The following CEBPZOS variants were observed in gnomAD, a reference collection of about 807,000 sequenced individuals.
CEBPZOS encodes the protein CEBPZ opposite strand.
In CEBPZOS, 10 loss-of-function variants were observed where a neutral mutation model predicts 4.8. That is an observed-to-expected ratio of 2.07 (90% CI 1.28 to 3.52). The LOEUF is 3.52. Ranked by LOEUF, CEBPZOS falls within the 30% of genes most tolerant of loss-of-function variation. CEBPZOS has a pLI of 0.00. For missense variants in CEBPZOS, 98 were observed against 43.6 expected, an observed-to-expected ratio of 2.25 and a Z score of -3.51; for synonymous variants, 25 against 14.2, an observed-to-expected ratio of 1.77 and a Z score of -1.72.
At chr2:37,206,226 A>G (rs1315131312), downstream of CEBPZOS, among the ~76,000 whole-genome samples, 1 of 152,262 alleles carries the variant, frequency 6.6e-6, no homozygotes, top group Non-Finnish European at 1.5e-5. Flanking sequence ...AGCGTGTGGC[A>G]ACGTGTTTAG....
At chr2:37,215,893 G>C (rs1677855013), downstream of CEBPZOS, among the ~76,000 whole-genome samples, 1 of 151,100 alleles carries the variant, frequency 6.6e-6, no homozygotes, top group Non-Finnish European at 1.5e-5. Flanking sequence ...AATGGGGAGG[G>C]GGTTCATCAT....
chr2:37,197,260 C>G (rs373802530), intron 1 of CEBPZOS: 2 of 152,226 alleles, frequency 1.3e-5, no homozygotes, highest in Non-Finnish European at 2.9e-5. Flanking sequence ...ACAGGTGTAT[C>G]CCTGGTGGTC....
Position 37,199,703 on chromosome 2 carries a change from G to A in CEBPZOS, c.-1-1G>A, listed in dbSNP as rs779571173. ...TTACACATATCTGTTGTTAAATTTA[G>A]GATGGCCCGTACTTTGGAACCACTA... On this transcript the variant is annotated splice_acceptor_variant, in intron 1 of 4. Coordinates refer to ENST00000402297, the MANE Select transcript of CEBPZOS (RefSeq NM_001322374.2). LOFTEE classifies it low-confidence loss of function (5UTR_SPLICE). 8.4e-6 allele frequency: 6 copies of A among 716,304 alleles called. No homozygotes were observed. Among genetic ancestry groups the A allele is most frequent in the Non-Finnish European group, 2.6e-6 (1 of 384,642 alleles). The allele number at this position is 716,304 out of a possible 1,614,324, so 44.4% of individuals were successfully genotyped here.
chr2:37,215,114 A>G (rs1007572964), downstream of CEBPZOS, among the ~76,000 whole-genome samples: 1 of 152,170 alleles, frequency 6.6e-6, no homozygotes, highest in Non-Finnish European at 1.5e-5. Flanking sequence ...CAATCTCTGA[A>G]AAAGTCTGTG....
chr2:37,202,254 G>A lies in CEBPZOS; in HGVS notation c.*394G>A, dbSNP rs892798589. The A allele has an allele frequency of 7.5e-6, 1 of 133,978 alleles. No individual in the cohort carries two copies. 8.3% of individuals were successfully genotyped at this position (133,978 alleles called of 1,614,324 possible). A position where few individuals can be genotyped will look rare whatever the true frequency, so the allele number is the denominator to read the frequency against. ...AGTCTGCAAGGTTTTTTTTTTTTTT[G>A]CTTTAGTCTAAATACTTGTTAATCT... On this transcript the variant is annotated 3_prime_UTR_variant, in exon 5 of 5. Coordinates refer to ENST00000402297, the MANE Select transcript of CEBPZOS (RefSeq NM_001322374.2).
At chr2:37,207,665 T>G (rs1393398243), downstream of CEBPZOS, among the ~76,000 whole-genome samples, 1 of 152,128 alleles carries the variant, frequency 6.6e-6, no homozygotes, top group Non-Finnish European at 1.5e-5. Flanking sequence ...CTACATTTAG[T>G]AAGTTCACAG....
chr2:37,199,154 TTAGTA>T (rs1419749014), intron 1 of CEBPZOS, among the ~76,000 whole-genome samples: 2 of 150,820 alleles, frequency 1.3e-5, no homozygotes, highest in Non-Finnish European at 3.0e-5. Context: ...TATTAATAGT[TTAGTA>T]TATGTTGTAT....
Position 37,202,796 on chromosome 2 carries a change from T to C in CEBPZOS, c.*936T>C, listed in dbSNP as rs757074596. 6 of 1,580,558 alleles carry C rather than the reference T, an allele frequency of 3.8e-6. No individual in the cohort carries two copies. The highest frequency in any genetic ancestry group is 2.3e-5 in the East Asian group (1 of 43,604). ...TTAAGTTACTTACTTGCATTATCTTTGTTAGCCATGGCATTCATGCCAATG... is the reference window on the plus strand; with the variant it reads ...TTAAGTTACTTACTTGCATTATCTTCGTTAGCCATGGCATTCATGCCAATG... On this transcript the variant is annotated 3_prime_UTR_variant, in exon 5 of 5. Transcript: ENST00000402297.
intron 2 of CEBPZOS, among the ~76,000 whole-genome samples, chr2:37,200,481 G>A (rs1029750880): frequency 6.6e-6 from 1 of 151,970 alleles, no homozygotes; most frequent in African/African-American, 2.4e-5. Flanking sequence ...CTCTAAGGAA[G>A]GGTATTAAAA....
intron 4 of CEBPZOS, among the ~76,000 whole-genome samples, chr2:37,213,239 T>C (rs1330751315): frequency 6.6e-6 from 1 of 152,212 alleles, no homozygotes; most frequent in African/African-American, 2.4e-5. Context: ...TGATATACTA[T>C]AATAGATTAT....
At chr2:37,198,518 A>G (rs1262329950) in intron 1 of CEBPZOS, 2 of 152,192 alleles carry the variant, frequency 1.3e-5, no homozygotes, top group East Asian at 3.9e-4. Flanking sequence ...TCGGAAGTGA[A>G]TGGAGTAAAC....
chr2:37,198,216 T>A (rs1404067675), intron 1 of CEBPZOS, among the ~76,000 whole-genome samples: 2 of 152,154 alleles, frequency 1.3e-5, no homozygotes, highest in African/African-American at 4.8e-5. Flanking sequence ...TGAGCATGAC[T>A]TACTTTCTGT....
intron 1 of CEBPZOS, among the ~76,000 whole-genome samples, chr2:37,198,018 G>A (rs966274455): frequency 6.6e-6 from 1 of 151,914 alleles, no homozygotes; most frequent in Non-Finnish European, 1.5e-5. Flanking sequence ...AAATTTGCTG[G>A]GCCTGGTGGC....
At chr2:37,199,556 A>C (rs908712592) in intron 1 of CEBPZOS, 148 bp from the exon 2 acceptor site, 300 of 480,470 alleles carry the variant, frequency 6.2e-4, no homozygotes, top group Middle Eastern at 4.7e-4. Flanking sequence ...TAGGATGTCT[A>C]AACCAAAAAA....
At chr2:37,199,008 CA>C (rs914210229) in intron 1 of CEBPZOS, among the ~76,000 whole-genome samples, 6 of 151,446 alleles carry the variant, frequency 4.0e-5, no homozygotes, top group African/African-American at 1.2e-4. Flanking sequence ...ACAAAAAATA[CA>C]AAAAAATAGC....
chr2:37,214,478 A>C (rs994354666), downstream of CEBPZOS, among the ~76,000 whole-genome samples: 2 of 152,142 alleles, frequency 1.3e-5, no homozygotes, highest in East Asian at 3.8e-4. Context: ...TTATATTAAA[A>C]TCTATATTAA....
chr2:37,209,973 G>T (rs1677667323), intron 4 of CEBPZOS: 1 of 152,204 alleles, frequency 6.6e-6, no homozygotes, highest in South Asian at 2.1e-4. Context: ...TTAAGGATAT[G>T]AACAGACAAT....
chr2:37,212,004 T>C (rs1558470868), intron 4 of CEBPZOS: 1 of 1,603,748 alleles, frequency 6.2e-7, no homozygotes, highest in South Asian at 1.1e-5. Context: ...ATCTAATGTG[T>C]TATCCTTAGC....
rs72875715 is a variant in CEBPZOS at position 37,200,870 on chromosome 2, T to A, written c.116-178T>A. 5.4e-3 allele frequency among the ~76,000 whole-genome samples: 817 copies of A among 152,204 alleles called. 7 individuals are homozygous for A. Among genetic ancestry groups the A allele is most frequent in the African/African-American group, 0.019 (776 of 41,518 alleles). ...GCAGCCTGGGCAACAGGGAGAGAGA[T>A]CCTGACTCAAAAAAACAAAAGGAGA... On this transcript the variant is annotated intron_variant, in intron 2 of 4. Coordinates refer to ENST00000402297, the MANE Select transcript of CEBPZOS (RefSeq NM_001322374.2).
Sources: gnomAD v4.1 joint callset for allele counts (sites outside exome capture counted in the v4.1 genomes callset) on GRCh38, gnomAD v4.1.1 for gene constraint, MANE v1.5 for transcripts, NCBI Gene and HGNC (gene_info 2026-07-23, HGNC 2026-07-21) for gene names.